Variants in PPFIBP2 observed in about 807,000 individuals in gnomAD.
PPFIBP2 encodes liprin-beta-2.
PPFIBP2 carries 118 observed loss-of-function variants against 118.3 expected under a neutral mutation model. The observed-to-expected ratio is 1.00, with a 90% CI of 0.86 to 1.16. PPFIBP2 has a LOEUF of 1.16. PPFIBP2 is among the 50% of genes most tolerant of loss of function. The probability of loss-of-function intolerance (pLI) is 0.00; values close to 1 mark genes in which losing one functional copy is unlikely to be tolerated. For synonymous variants in PPFIBP2, 414 were observed against 397.4 expected (o/e 1.04, Z -0.50); for missense variants, 1,195 against 1,073.1 (o/e 1.11, Z -1.59).
At position 7,629,345 on chromosome 11, in the gene PPFIBP2, G is replaced by C. The variant is rs913620698; in HGVS notation, c.889-114G>C. On this transcript the variant is annotated intron_variant, in intron 9 of 23. Transcript: ENST00000299492. Reference sequence around the variant, plus strand: ...TGGGGCCTGGACACTCTTTTCCTTTGGTTCCACGTGGGATTTCTTCTCCTT... The same window carrying C: ...TGGGGCCTGGACACTCTTTTCCTTTCGTTCCACGTGGGATTTCTTCTCCTT... The C allele has an allele frequency of 4.0e-6, 4 of 1,008,506 alleles. No individual in the cohort carries two copies. In the Admixed American group the frequency reaches 7.4e-5, roughly 19 times the overall value. 62.5% of individuals were successfully genotyped at this position (1,008,506 alleles called of 1,614,324 possible).
intron 21 of PPFIBP2, among the ~76,000 whole-genome samples, chr11:7,650,213 CT>C (rs1280998034): frequency 6.6e-6 from 1 of 152,192 alleles, no homozygotes; most frequent in East Asian, 1.9e-4. Context: ...GACCCCCAAA[CT>C]GAAGATTGTC....
chr11:7,624,225 G>A (rs1164540357), intron 7 of PPFIBP2, among the ~76,000 whole-genome samples: 1 of 152,218 alleles, frequency 6.6e-6, no homozygotes, highest in African/African-American at 2.4e-5. Context: ...TGACATTGGA[G>A]CAGGCAGGCC....
downstream of PPFIBP2, among the ~76,000 whole-genome samples, chr11:7,659,169 T>A (rs1854835901): frequency 6.7e-6 from 1 of 150,128 alleles, no homozygotes; most frequent in Non-Finnish European, 1.5e-5. Flanking sequence ...TTTGTCAATT[T>A]TGTCTTTTGT....
intron 2 of PPFIBP2, among the ~76,000 whole-genome samples, chr11:7,559,811 A>T (rs1251159187): frequency 1.3e-5 from 2 of 151,966 alleles, no homozygotes; most frequent in Non-Finnish European, 1.5e-5. Flanking sequence ...ATATCTGGGT[A>T]TTTTGCCCCT....
chr11:7,582,599 C>G (rs1475316417), intron 3 of PPFIBP2, among the ~76,000 whole-genome samples: 2 of 152,122 alleles, frequency 1.3e-5, no homozygotes, highest in African/African-American at 4.8e-5. Flanking sequence ...ACTTAGGGAT[C>G]CTTTGACTCA....
the PPFIBP2 span, among the ~76,000 whole-genome samples, chr11:7,662,377 TA>T: frequency 6.6e-6 from 1 of 152,220 alleles, no homozygotes; most frequent in East Asian, 1.9e-4. Context: ...TGCTTGTCTG[TA>T]AAGTGTTTTA....
intron 5 of PPFIBP2, among the ~76,000 whole-genome samples, chr11:7,609,517 G>T (rs963878315): frequency 3.9e-5 from 6 of 152,126 alleles, no homozygotes; most frequent in Admixed American, 2.0e-4. Context: ...TGGGTGTCTT[G>T]CCTATCATCT....
At chr11:7,597,313 C>G in intron 4 of PPFIBP2, 8 of 1,535,628 alleles carry the variant, frequency 5.2e-6, no homozygotes, top group Non-Finnish European at 7.0e-6. Flanking sequence ...ACTCTTGAGT[C>G]TATCAAGAGC....
chr11:7,651,435 G>C (rs986803465), intron 22 of PPFIBP2: 2 of 495,676 alleles, frequency 4.0e-6, no homozygotes, highest in Non-Finnish European at 7.2e-6. Flanking sequence ...GTTCTCTGCT[G>C]GTCTGTGAAA....
chr11:7,625,786 G>T lies in PPFIBP2; in HGVS notation c.721G>T (p.Ala241Ser). 6.2e-7 allele frequency: 1 copy of T among 1,614,084 alleles called. No homozygotes were observed. The highest frequency in any genetic ancestry group is 8.5e-7 in the Non-Finnish European group (1 of 1,179,944). ...WKLKATKAEVAQLQEQVALKD... is the reference protein window; with the variant it reads ...WKLKATKAEVSQLQEQVALKD... ...TCTGTTGCTCTTCCAGGCTGAAGTC[G>T]CCCAGCTGCAAGAACAGGTGGCCCT... The change falls in exon 8 of 24, where the codon GCC (alanine) becomes TCC (serine). Residue 241 changes from alanine to serine, a missense_variant. Transcript: ENST00000299492.
intron 3 of PPFIBP2, among the ~76,000 whole-genome samples, chr11:7,592,673 C>T (rs1859547426): frequency 6.6e-6 from 1 of 152,170 alleles, no homozygotes; most frequent in South Asian, 2.1e-4. Context: ...GCCTTGGCTT[C>T]AGGGGACCCT....
rs1449652213 is a variant in PPFIBP2, at chr11:7,629,410, T to G, written c.889-49T>G. The G allele has an allele frequency of 7.7e-6, 12 of 1,563,176 alleles. No individual in the cohort carries two copies. In the East Asian group the frequency reaches 2.7e-4, roughly 35 times the overall value. On this transcript the variant is annotated intron_variant, in intron 9 of 23. Coordinates refer to ENST00000299492, the MANE Select transcript of PPFIBP2 (RefSeq NM_003621.5). Reference sequence around the variant, plus strand: ...GCGTGGGTTCCAAAATGAAATCATCTGAGATGCCAGCATAGCATTAATCTA... The same window carrying G: ...GCGTGGGTTCCAAAATGAAATCATCGGAGATGCCAGCATAGCATTAATCTA...
Position 7,555,362 on chromosome 11 carries a change from C to T in PPFIBP2, c.64+5823C>T, listed in dbSNP as rs146129205. 6.2e-3 allele frequency among the ~76,000 whole-genome samples: 942 copies of T among 152,248 alleles called. 29 individuals are homozygous for T. The highest frequency in any genetic ancestry group is 0.049 in the Admixed American group (755 of 15,294). ...GGGCCTTTCTGCCAACTCTGATTAGCGTCTGGGTTTGTAAAAAGAAAACAA... is the reference window on the plus strand; with the variant it reads ...GGGCCTTTCTGCCAACTCTGATTAGTGTCTGGGTTTGTAAAAAGAAAACAA... On this transcript the variant is annotated intron_variant, in intron 2 of 23. Transcript: ENST00000299492.
intron 3 of PPFIBP2, among the ~76,000 whole-genome samples, chr11:7,570,739 G>A (rs1193507360): frequency 6.6e-6 from 1 of 152,202 alleles, no homozygotes; most frequent in African/African-American, 2.4e-5. Flanking sequence ...GAACCAGGGT[G>A]AGGGAGTATG....
chr11:7,549,503 G>C lies in PPFIBP2; in HGVS notation c.28G>C (p.Glu10Gln). ...GGCTTCTGATGCTAGTCATGCGCTG[G>C]AAGCTGCCCTGGAGCAAATGGACGG... is the stretch of plus-strand genomic sequence containing the variant. The part of the protein sequence containing the change: MASDASHAL[E>Q]AALEQMDGII... The change falls in exon 2 of 24, where the codon GAA (glutamate) becomes CAA (glutamine). Residue 10 changes from glutamate to glutamine, a missense_variant. Glu to Gln is a conservative substitution (Grantham distance 29). Coordinates refer to ENST00000299492, the MANE Select transcript of PPFIBP2 (RefSeq NM_003621.5). 2 of 1,563,848 alleles carry C rather than the reference G, an allele frequency of 1.3e-6. No homozygotes were observed. Among genetic ancestry groups the C allele is most frequent in the Non-Finnish European group, 1.7e-6 (2 of 1,153,850 alleles).
intron 8 of PPFIBP2, among the ~76,000 whole-genome samples, chr11:7,627,685 A>G (rs1424915077): frequency 6.6e-6 from 1 of 152,236 alleles, no homozygotes; most frequent in Admixed American, 6.5e-5. Flanking sequence ...CCATAGGGAA[A>G]TTCTGGTTTA....
At chr11:7,665,136 C>G in the PPFIBP2 span, 2 of 395,186 alleles carry the variant, frequency 5.1e-6, no homozygotes, top group Non-Finnish European at 9.0e-6. Flanking sequence ...CACAAAACCA[C>G]GGAGAAAGAT....
chr11:7,535,516 A>G (rs760029591), intron 1 of PPFIBP2, among the ~76,000 whole-genome samples: 9 of 152,208 alleles, frequency 5.9e-5, no homozygotes, highest in Non-Finnish European at 1.2e-4. Flanking sequence ...TGACCAAGTC[A>G]CTTAACCTCT....
chr11:7,577,328 T>TGTGTGTGC (rs1856525315), intron 3 of PPFIBP2: 8 of 283,184 alleles, frequency 2.8e-5, no homozygotes, highest in Non-Finnish European at 4.9e-5. Flanking sequence ...TGCGTGTGTG[T>TGTGTGTGC]GTGTGTGTGT....
Sources: gnomAD v4.1 joint callset for allele counts (sites outside exome capture counted in the v4.1 genomes callset) on GRCh38, gnomAD v4.1.1 for gene constraint, MANE v1.5 for transcripts, NCBI Gene and HGNC (gene_info 2026-07-23, HGNC 2026-07-21) for gene names.